The following HK3 variants were observed in gnomAD, a reference collection of about 807,000 sequenced individuals.
The protein encoded by HK3 is hexokinase 3, also known as hexokinase-3.
HK3 carries 93 observed loss-of-function variants against 91.0 expected under a neutral mutation model. The observed-to-expected ratio is 1.02, with a 90% CI of 0.86 to 1.21. HK3 has a LOEUF of 1.21. HK3 is among the 50% of genes most tolerant of loss of function. HK3 has a pLI of 0.00. For synonymous variants in HK3, 519 were observed against 516.9 expected (o/e 1.00, Z -0.06); for missense variants, 1,235 against 1,247.4 (o/e 0.99, Z 0.15).
At chr5:176,886,907 A>G (rs1248809310) in intron 13 of HK3, 95 bp downstream of exon 13, 2 of 1,453,412 alleles carry the variant, frequency 1.4e-6, no homozygotes, top group African/African-American at 2.8e-5. Context: ...CAGACCCGCC[A>G]CCGCCCAGCC....
chr5:176,887,001 C>T lies in HK3; in HGVS notation c.1857+1G>A. Reference sequence around the variant, plus strand: ...AATCACTTCTCTTGGCCCTCCCTCACCTGGTCTAGGCCAAGCTGCCTACAT... The same window carrying T: ...AATCACTTCTCTTGGCCCTCCCTCATCTGGTCTAGGCCAAGCTGCCTACAT... On this transcript the variant is annotated splice_donor_variant, in intron 13 of 18. Transcript: ENST00000292432. LOFTEE classifies it high-confidence loss of function. This position sits in a 1 kb window ranked among gnomAD's most constrained non-coding sequence, Gnocchi z 4.9. 1 of 1,614,046 alleles carries T rather than the reference C, an allele frequency of 6.2e-7. No homozygotes were observed. Among genetic ancestry groups the T allele is most frequent in the Non-Finnish European group, 8.5e-7 (1 of 1,179,992 alleles).
In HK3 at chr5:176,888,741, G is replaced by T. The variant is rs1264826524; in HGVS notation, c.1038C>A (p.Ser346Arg). 5 of 1,614,126 alleles carry T rather than the reference G, an allele frequency of 3.1e-6. No individual in the cohort carries two copies. The Admixed American group carries it at 8.3e-5, about 27-fold the overall frequency. The change falls in exon 9 of 19, where the codon AGC becomes AGA. Residue 346 changes from serine to arginine, a missense_variant. By Grantham distance (110) the Ser-to-Arg change is moderately radical. Around this residue, in one of 3 missense-constraint regions of HK3, gnomAD observed 717 missense variants for 751.6 expected, o/e 0.95. Transcript: ENST00000292432. ...TCTCAGCCACGTGTTCCAGGAGGAT[G>T]CTGCCTTGGCTCAGCAGGGCAGGGG... ...CTSPALLSQG[S>R]ILLEHVAEME...
intron 2 of HK3, among the ~76,000 whole-genome samples, chr5:176,894,191 A>C (rs541411486): frequency 6.6e-6 from 1 of 152,280 alleles, no homozygotes; most frequent in Non-Finnish European, 1.5e-5. Flanking sequence ...ACCCTCTCTG[A>C]TGACAAAGAG....
chr5:176,889,303 CA>C lies in HK3; in HGVS notation c.914+77del, dbSNP rs1306239840. On this transcript the variant is annotated intron_variant, in intron 8 of 18. Transcript: ENST00000292432. ...AGGGAGGGGCCTAAGGGCCTGAGAA[CA>C]GGGACAGAAGGGGTTGGGAGCAGAG... 5 of 1,482,670 alleles carry C rather than the reference CA, an allele frequency of 3.4e-6. No individual in the cohort carries two copies. The African/African-American group carries it at 7.0e-5, about 21-fold the overall frequency. 91.8% of individuals were successfully genotyped at this position (1,482,670 alleles called of 1,614,324 possible).
chr5:176,891,103 A>G lies in HK3; in HGVS notation c.348T>C (p.His116=), dbSNP rs752996121. 2.7e-5 allele frequency: 43 copies of G among 1,613,942 alleles called. No individual in the cohort carries two copies. The East Asian group carries it at 5.8e-4, about 22-fold the overall frequency. The change falls in exon 4 of 19, where the codon CAT becomes CAC. Residue 116 remains histidine (H), a synonymous_variant. Coordinates refer to ENST00000292432, the MANE Select transcript of HK3 (RefSeq NM_002115.3). ...LWVTLTGIEG[H]RVEPRSQEFV... is the part of the protein sequence containing the mutation. The stretch of plus-strand genomic sequence containing the variant: ...ACTCCTGGCTTCTGGGCTCCACCCT[A>G]TGCCCCTCAATGCCAGTTAGAGTCA...
chr5:176,881,610 C>G, intron 17 of HK3, 75 bp from the exon 18 acceptor site: 3 of 1,590,424 alleles, frequency 1.9e-6, no homozygotes, highest in Non-Finnish European at 2.6e-6. Flanking sequence ...GAGCAGACCT[C>G]GTCACCACCC....
chr5:176,887,890 C>G lies in HK3; in HGVS notation c.1305-144G>C. The G allele has an allele frequency of 1.4e-6, 1 of 733,566 alleles. No homozygotes were observed. The highest frequency in any genetic ancestry group is 2.1e-5 in the South Asian group (1 of 48,122). The allele number at this position is 733,566 out of a possible 1,614,324, so 45.4% of individuals were successfully genotyped here. A position where few individuals can be genotyped will look rare whatever the true frequency, so the allele number is the denominator to read the frequency against. On this transcript the variant is annotated intron_variant, in intron 10 of 18. Transcript: ENST00000292432. The surrounding 1 kb of genome is among the most constrained non-coding windows in gnomAD (Gnocchi z 4.9). Reference sequence around the variant, plus strand: ...CCTAGGGCCTCCTGAAGCCCAAGGCCCCATCACTTTTTTTTTTTTATTTTT... The same window carrying G: ...CCTAGGGCCTCCTGAAGCCCAAGGCGCCATCACTTTTTTTTTTTTATTTTT...
At chr5:176,896,007 A>G (rs1487224430) in intron 2 of HK3, 57 bp downstream of exon 2, 1 of 1,445,474 alleles carries the variant, frequency 6.9e-7, no homozygotes, top group African/African-American at 1.4e-5. Flanking sequence ...AGCTTCAGTC[A>G]CGCTGCTCTT....
Position 176,888,696 on chromosome 5 carries a change from C to T in HK3, c.1070+13G>A. The T allele has an allele frequency of 1.2e-6, 2 of 1,614,210 alleles. No individual in the cohort carries two copies. Among genetic ancestry groups the T allele is most frequent in the East Asian group, 4.5e-5 (2 of 44,888 alleles). On this transcript the variant is annotated intron_variant, in intron 9 of 18. Transcript: ENST00000292432. ...CAAGAATCCCCCACTAAACCACCAT[C>T]TCCCCGACTCACTCCTCCATCTCAG... is the stretch of plus-strand genomic sequence containing the variant.
At chr5:176,897,019 A>G (rs745797446) in intron 1 of HK3, among the ~76,000 whole-genome samples, 4 of 152,142 alleles carry the variant, frequency 2.6e-5, no homozygotes, top group Non-Finnish European at 5.9e-5. Flanking sequence ...TGCTCTCCAC[A>G]AGGCAGCTGC....
rs552490613 is a variant in HK3 at position 176,893,386 on chromosome 5, C to T, written c.97-1836G>A. Among the ~76,000 whole-genome samples, 682 of 152,310 alleles carry T rather than the reference C, an allele frequency of 4.5e-3. 3 individuals carry two copies. Among genetic ancestry groups the T allele is most frequent in the African/African-American group, 0.016 (656 of 41,568 alleles). On this transcript the variant is annotated intron_variant, in intron 2 of 18. Coordinates refer to ENST00000292432, the MANE Select transcript of HK3 (RefSeq NM_002115.3). ...ACTTACAGCTGAGTCCTCGCACTCC[C>T]TTTTTCTGGCTCTGCAGTCCTGGGA...
chr5:176,898,960 C>T (rs1758974163), intron 1 of HK3, among the ~76,000 whole-genome samples: 1 of 152,064 alleles, frequency 6.6e-6, no homozygotes. Flanking sequence ...TGGCAAAACG[C>T]CATCGCTAGA....
At position 176,881,188 on chromosome 5, in the gene HK3, C is replaced by G; in HGVS notation, c.2657G>C (p.Arg886Pro). ...GACCACACAGCGAGGGGCCAGCTCCCGCACTGTGGCCGCCACCAGGCTGGA... is the reference window on the plus strand; with the variant it reads ...GACCACACAGCGAGGGGCCAGCTCCGGCACTGTGGCCGCCACCAGGCTGGA... ...RFSSLVAATV[R>P]ELAPRCVVTF... The change falls in exon 19 of 19, where the codon CGG becomes CCG. Residue 886 changes from arginine to proline, a missense_variant. Coordinates refer to ENST00000292432, the MANE Select transcript of HK3 (RefSeq NM_002115.3). 6.2e-7 allele frequency: 1 copy of G among 1,613,158 alleles called. No homozygotes were observed. Among genetic ancestry groups the G allele is most frequent in the Middle Eastern group, 1.7e-4 (1 of 6,060 alleles).
At chr5:176,881,652 G>T in intron 17 of HK3, 40 bp downstream of exon 17, 1 of 1,609,662 alleles carries the variant, frequency 6.2e-7, no homozygotes, top group South Asian at 1.1e-5. Flanking sequence ...TGGACAGAAA[G>T]ACCCCCTGAA....
chr5:176,883,907 C>T (rs372237392), intron 14 of HK3, 38 bp from the exon 15 acceptor site: 20 of 1,605,504 alleles, frequency 1.2e-5, no homozygotes, highest in South Asian at 8.8e-5. Flanking sequence ...CTGGGCAACG[C>T]GGTCGTCACA....
Position 176,884,379 on chromosome 5 carries a change from C to G in HK3, c.1858-245G>C, listed in dbSNP as rs1183571728. Among the ~76,000 whole-genome samples, 1 of 152,240 alleles carries G rather than the reference C, an allele frequency of 6.6e-6. No homozygotes were observed. Among genetic ancestry groups the G allele is most frequent in the Non-Finnish European group, 1.5e-5 (1 of 68,054 alleles). On this transcript the variant is annotated intron_variant, in intron 13 of 18. Transcript: ENST00000292432. The surrounding 1 kb of genome is among the most constrained non-coding windows in gnomAD (Gnocchi z 4.1). ...TACATTTTCCATTATTAGTTCCAGA[C>G]AGTCAGAGGGTCTGGCCATTTTAAG...
At chr5:176,883,639 C>G (rs1758500681) in intron 15 of HK3, 131 bp downstream of exon 15, 11 of 686,660 alleles carry the variant, frequency 1.6e-5, no homozygotes, top group Middle Eastern at 2.4e-4. Flanking sequence ...AGAGATTGTT[C>G]CAGAGCCCTA....
chr5:176,891,162 C>T lies in HK3; in HGVS notation c.289G>A (p.Gly97Arg), dbSNP rs1581300741. The stretch of plus-strand genomic sequence containing the variant: ...ACACGCAGTGAGGCCCCTGTGGCCC[C>T]CAGCTCCAGCACCACGAAGTCTCCT... ...EQGDFVVLELGATGASLRVLW... is the reference protein window; with the variant it reads ...EQGDFVVLELRATGASLRVLW... The change falls in exon 4 of 19, where the codon GGG becomes AGG. Residue 97 changes from glycine to arginine, a missense_variant. Gly to Arg is a moderately radical substitution (Grantham distance 125). Around this residue, in one of 3 missense-constraint regions of HK3, gnomAD observed 717 missense variants for 751.6 expected, o/e 0.95. Coordinates refer to ENST00000292432, the MANE Select transcript of HK3 (RefSeq NM_002115.3). 2 of 1,614,152 alleles carry T rather than the reference C, an allele frequency of 1.2e-6. No homozygotes were observed. Among genetic ancestry groups the T allele is most frequent in the South Asian group, 2.2e-5 (2 of 91,084 alleles).
At chr5:176,894,278 T>C (rs1266738181) in intron 2 of HK3, among the ~76,000 whole-genome samples, 1 of 152,172 alleles carries the variant, frequency 6.6e-6, no homozygotes, top group Non-Finnish European at 1.5e-5. Flanking sequence ...CTAACTTTTT[T>C]CAACCTAAGG....
Sources: allele counts gnomAD v4.1 joint callset (sites outside exome capture counted in the v4.1 genomes callset), GRCh38; gene constraint gnomAD v4.1.1; regional missense constraint gnomAD v4.1.1; non-coding constraint Gnocchi (gnomAD v3.1); transcripts MANE v1.5; gene names NCBI Gene and HGNC (gene_info 2026-07-23, HGNC 2026-07-21).